GULP1: variants seen among roughly 807,000 people sequenced by gnomAD.
GULP1 encodes the protein GULP PTB domain containing engulfment adaptor 1.
In GULP1, 19 loss-of-function variants were observed where a neutral mutation model predicts 40.9. The ratio of observed to expected loss-of-function variants is 0.46; its 90% CI spans 0.32 to 0.68. The LOEUF (loss-of-function observed/expected upper bound fraction) is 0.68. Ranked by LOEUF, GULP1 falls within the 30% of genes least tolerant of loss-of-function variation. GULP1 has a pLI of 0.03. For missense variants in GULP1, 312 were observed against 362.2 expected, an observed-to-expected ratio of 0.86 and a Z score of 1.12; for synonymous variants, 119 against 117.6, an observed-to-expected ratio of 1.01 and a Z score of -0.08.
At position 188,423,895 on chromosome 2, in the gene GULP1, A is replaced by G. The variant is rs138249611; in HGVS notation, c.-45+40006A>G. The stretch of plus-strand genomic sequence containing the variant: ...TATTTCACACTTCTATAATGTTTCT[A>G]TTTTCTACAATACACACACACATAC... On this transcript the variant is annotated intron_variant, in intron 2 of 11. Coordinates refer to ENST00000409830, the MANE Select transcript of GULP1 (RefSeq NM_016315.4). Among the ~76,000 whole-genome samples the G allele has an allele frequency of 6.2e-3, 940 of 151,872 alleles. 35 individuals carry two copies. The highest frequency in any genetic ancestry group is 0.056 in the Admixed American group (851 of 15,252).
At chr2:188,306,170 A>G (rs2037053159) in intron 1 of GULP1, among the ~76,000 whole-genome samples, 1 of 152,190 alleles carries the variant, frequency 6.6e-6, no homozygotes, top group Admixed American at 6.5e-5. Flanking sequence ...ACTAATATCA[A>G]TAGTTTCTAA....
chr2:188,582,443 T>G (rs775332361), intron 9 of GULP1: 49 of 471,612 alleles, frequency 1.0e-4, no homozygotes, highest in Non-Finnish European at 1.7e-4. Flanking sequence ...CAATATTTCT[T>G]CCATCTCTGT....
intron 4 of GULP1, among the ~76,000 whole-genome samples, chr2:188,486,004 T>C (rs577512258): frequency 6.6e-6 from 1 of 152,178 alleles, no homozygotes; most frequent in African/African-American, 2.4e-5. Context: ...ATTGAATAAC[T>C]GGGCACTATA....
At chr2:188,406,835 G>A (rs1559204275) in intron 2 of GULP1, among the ~76,000 whole-genome samples, 1 of 151,998 alleles carries the variant, frequency 6.6e-6, no homozygotes, top group African/African-American at 2.4e-5. Flanking sequence ...CTTATTTAAA[G>A]GAGAAGAAAA....
At chr2:188,544,538 T>A (rs10931366) in intron 7 of GULP1, among the ~76,000 whole-genome samples, 133,781 of 151,056 alleles carry the variant, frequency 0.89, 60,343 homozygotes, top group South Asian at 0.99. Flanking sequence ...AAAGTATTAT[T>A]ATAATAATAA....
intron 1 of GULP1, among the ~76,000 whole-genome samples, chr2:188,296,904 TTCTCTCTG>T (rs2035072183): frequency 6.6e-6 from 1 of 152,096 alleles, no homozygotes; most frequent in East Asian, 1.9e-4. Flanking sequence ...GGGGACTACT[TTCTCTCTG>T]TCTCTCTGTC....
intron 1 of GULP1, among the ~76,000 whole-genome samples, chr2:188,359,149 C>T (rs1478199629): frequency 2.0e-5 from 3 of 151,964 alleles, no homozygotes; most frequent in Non-Finnish European, 2.9e-5. Context: ...TCTTTAGATA[C>T]GTGTTTCAAA....
intron 7 of GULP1, among the ~76,000 whole-genome samples, chr2:188,556,378 T>C (rs1312321484): frequency 6.6e-6 from 1 of 152,176 alleles, no homozygotes; most frequent in African/African-American, 2.4e-5. Context: ...AGTTCTAGAA[T>C]TTCTCTTTCG....
chr2:188,566,546 G>A lies in GULP1; in HGVS notation c.400-2693G>A, dbSNP rs553117372. Among the ~76,000 whole-genome samples the A allele has an allele frequency of 1.3e-4, 19 of 151,750 alleles. No individual in the cohort carries two copies. The South Asian group carries it at 2.7e-3, about 22-fold the overall frequency. On this transcript the variant is annotated intron_variant, in intron 7 of 11. Transcript: ENST00000409830. ...TAATGTCTCGTTAAAAGGATACATC[G>A]ACACTTTGGGAGGCCAAGGCGGGTG...
At chr2:188,420,690 G>C (rs754002862) in intron 2 of GULP1, among the ~76,000 whole-genome samples, 70 of 152,148 alleles carry the variant, frequency 4.6e-4, no homozygotes, top group Non-Finnish European at 1.3e-4. Context: ...CTGAGTCCAG[G>C]GTTTTTATGG....
At chr2:188,360,111 C>G (rs2045894639) in intron 1 of GULP1, among the ~76,000 whole-genome samples, 1 of 152,098 alleles carries the variant, frequency 6.6e-6, no homozygotes, top group South Asian at 2.1e-4. Context: ...CTCCAATTCT[C>G]TTTGGTTGAC....
intron 1 of GULP1, among the ~76,000 whole-genome samples, chr2:188,361,052 A>T (rs1473138824): frequency 6.6e-6 from 1 of 152,112 alleles, no homozygotes. Flanking sequence ...GCATTGCGTA[A>T]TATTGCGCAG....
intron 10 of GULP1, among the ~76,000 whole-genome samples, chr2:188,586,062 A>G (rs1337585354): frequency 6.6e-6 from 1 of 152,184 alleles, no homozygotes; most frequent in African/African-American, 2.4e-5. Context: ...CTTCTGCCAG[A>G]TACCCTAAAT....
chr2:188,549,993 CTT>C (rs1419665051), intron 7 of GULP1, among the ~76,000 whole-genome samples: 2 of 151,652 alleles, frequency 1.3e-5, no homozygotes, highest in African/African-American at 4.8e-5. Context: ...ATGAAGGACT[CTT>C]GTCGTAATCA....
intron 4 of GULP1, among the ~76,000 whole-genome samples, chr2:188,497,218 G>A (rs2062984129): frequency 6.6e-6 from 1 of 151,938 alleles, no homozygotes; most frequent in South Asian, 2.1e-4. Flanking sequence ...CACATCTTTA[G>A]CTTGAACTTT....
At chr2:188,322,313 G>T in intron 1 of GULP1, among the ~76,000 whole-genome samples, 1 of 151,144 alleles carries the variant, frequency 6.6e-6, no homozygotes, top group Non-Finnish European at 1.5e-5. Flanking sequence ...TTTTTTTTTA[G>T]GGGTAGAGGA....
At chr2:188,489,840 A>T (rs1490490844) in intron 4 of GULP1, among the ~76,000 whole-genome samples, 1 of 152,110 alleles carries the variant, frequency 6.6e-6, no homozygotes, top group East Asian at 1.9e-4. Flanking sequence ...ATTTTATTCA[A>T]TTGTGATTTG....
At chr2:188,302,057 T>C (rs887973524) in intron 1 of GULP1, among the ~76,000 whole-genome samples, 1 of 152,194 alleles carries the variant, frequency 6.6e-6, no homozygotes, top group African/African-American at 2.4e-5. Flanking sequence ...TTAAATGATA[T>C]CTTAATTTTG....
At chr2:188,452,136 T>A (rs1353550430) in intron 2 of GULP1, among the ~76,000 whole-genome samples, 1 of 152,238 alleles carries the variant, frequency 6.6e-6, no homozygotes, top group Non-Finnish European at 1.5e-5. Context: ...ACCAGTCTTG[T>A]TATTCCCGGA....
Sources: allele counts gnomAD v4.1 joint callset (sites outside exome capture counted in the v4.1 genomes callset), GRCh38; gene constraint gnomAD v4.1.1; transcripts MANE v1.5; gene names NCBI Gene and HGNC (gene_info 2026-07-23, HGNC 2026-07-21).